ANKRD17: variants seen among roughly 807,000 people sequenced by gnomAD.
ANKRD17 encodes the protein ankyrin repeat domain-containing protein 17.
In ANKRD17, 19 loss-of-function variants were observed where a neutral mutation model predicts 229.7. The observed-to-expected ratio is 0.08, with a 90% CI of 0.06 to 0.12. The LOEUF is 0.12. ANKRD17 is among the 10% of genes least tolerant of loss of function. The probability of loss-of-function intolerance (pLI) is 1.00; values close to 1 mark genes in which losing one functional copy is unlikely to be tolerated. For synonymous variants in ANKRD17, 1,112 were observed against 1,146.1 expected (o/e 0.97, Z 0.60); for missense variants, 2,176 against 3,176.8 (o/e 0.68, Z 7.57).
At chr4:73,233,536 T>C (rs1003125981) in intron 1 of ANKRD17, among the ~76,000 whole-genome samples, 1 of 152,190 alleles carries the variant, frequency 6.6e-6, no homozygotes, top group Non-Finnish European at 1.5e-5. Context: ...CTAATAGAAC[T>C]TGAATTTCCT....
At chr4:73,094,316 G>T in intron 27 of ANKRD17, 88 bp from the exon 28 acceptor site, 1 of 1,209,386 alleles carries the variant, frequency 8.3e-7, no homozygotes, top group Non-Finnish European at 1.2e-6. Flanking sequence ...TTACTAAAAT[G>T]TCTTTCTATA....
intron 16 of ANKRD17, among the ~76,000 whole-genome samples, chr4:73,130,882 A>G (rs1004684931): frequency 3.3e-5 from 5 of 152,196 alleles, no homozygotes; most frequent in Non-Finnish European, 5.9e-5. Context: ...CCTTCAAGTC[A>G]GAATTATTGT....
chr4:73,248,571 G>C (rs1193318291), intron 1 of ANKRD17, among the ~76,000 whole-genome samples: 2 of 151,904 alleles, frequency 1.3e-5, no homozygotes, highest in African/African-American at 4.8e-5. Context: ...TTAGTTCAGA[G>C]AGTATACTAA....
chr4:73,091,636 G>T lies in ANKRD17; in HGVS notation c.5992C>A (p.Leu1998Ile). The change falls in exon 29 of 34, where the codon CTT (leucine) becomes ATT (isoleucine). Residue 1998 changes from leucine (L) to isoleucine (I), a missense_variant. This residue lies in a region of ANKRD17 where 424 missense variants were observed against 454.0 expected (regional missense o/e 0.93). Coordinates refer to ENST00000358602, the MANE Select transcript of ANKRD17 (RefSeq NM_032217.5). The stretch of plus-strand genomic sequence containing the variant: ...GATGTCTTCACAACTGTGACAAAAA[G>T]CTGCCTTCGGACAGAAGGTGAACTT... ...SPSSPSVRRQ[L>I]FVTVVKTSNA... 6.2e-7 allele frequency: 1 copy of T among 1,614,228 alleles called. No homozygotes were observed. Among genetic ancestry groups the T allele is most frequent in the Non-Finnish European group, 8.5e-7 (1 of 1,180,044 alleles).
chr4:73,078,270 G>A (rs1294523541), intron 31 of ANKRD17, among the ~76,000 whole-genome samples: 2 of 152,212 alleles, frequency 1.3e-5, no homozygotes, highest in African/African-American at 2.4e-5. Flanking sequence ...TCAGCTACTT[G>A]GGAGGATGAG....
At chr4:73,188,809 T>C (rs1005040185) in intron 1 of ANKRD17, among the ~76,000 whole-genome samples, 1 of 152,110 alleles carries the variant, frequency 6.6e-6, no homozygotes, top group Non-Finnish European at 1.5e-5. Context: ...AAAGAGGATA[T>C]AAGCCTTTGG....
intron 30 of ANKRD17, among the ~76,000 whole-genome samples, chr4:73,080,030 C>T (rs538287151): frequency 1.3e-3 from 192 of 152,188 alleles, no homozygotes; most frequent in African/African-American, 4.4e-3. Flanking sequence ...CACTTGAACC[C>T]GGGAGGCGGA....
rs1720988822 is a variant in ANKRD17, at chr4:73,076,249, A to G, written c.7794T>C (p.His2598=). The change falls in exon 34 of 34, where the codon CAT becomes CAC. Residue 2598 remains histidine, a synonymous_variant. Coordinates refer to ENST00000358602, the MANE Select transcript of ANKRD17 (RefSeq NM_032217.5). The stretch of plus-strand genomic sequence containing the variant: ...ATCCTCATCAGCCAAGCTGGTTCAT[A>G]TGCACACTGTTCATGTGAGGTGCCC... ...GPWAPHMNSV[H]MNQLG The G allele has an allele frequency of 2.5e-6, 4 of 1,611,770 alleles. No individual in the cohort carries two copies. Among genetic ancestry groups the G allele is most frequent in the Non-Finnish European group, 3.4e-6 (4 of 1,178,972 alleles).
intron 1 of ANKRD17, among the ~76,000 whole-genome samples, chr4:73,252,093 A>C (rs186585901): frequency 6.6e-6 from 1 of 152,376 alleles, no homozygotes; most frequent in East Asian, 1.9e-4. Context: ...GTGGCTAATA[A>C]AGAAATATTT....
intron 1 of ANKRD17, chr4:73,222,989 T>C (rs2149215338): frequency 6.5e-7 from 1 of 1,535,866 alleles, no homozygotes; most frequent in African/African-American, 1.4e-5. Flanking sequence ...GAATGTCTTC[T>C]AGAACATATG....
intron 1 of ANKRD17, among the ~76,000 whole-genome samples, chr4:73,229,641 A>G (rs1560764232): frequency 6.6e-6 from 1 of 150,484 alleles, no homozygotes; most frequent in Non-Finnish European, 1.5e-5. Flanking sequence ...TGCAGAGTCT[A>G]TATATATATA....
chr4:73,229,760 G>A (rs1742871903), intron 1 of ANKRD17, among the ~76,000 whole-genome samples: 1 of 151,900 alleles, frequency 6.6e-6, no homozygotes, highest in Admixed American at 6.6e-5. Flanking sequence ...AATATTTAAT[G>A]GGTTTTTTAA....
At chr4:73,250,381 A>C (rs1201385770) in intron 1 of ANKRD17, among the ~76,000 whole-genome samples, 2 of 152,008 alleles carry the variant, frequency 1.3e-5, no homozygotes, top group Non-Finnish European at 1.5e-5. Flanking sequence ...CGGGCGGATC[A>C]CTTGGAGCCG....
Position 73,118,795 on chromosome 4 carries a change from C to T in ANKRD17, c.4081G>A (p.Ala1361Thr). 6.2e-7 allele frequency: 1 copy of T among 1,613,754 alleles called. No individual in the cohort carries two copies. Among genetic ancestry groups the T allele is most frequent in the Non-Finnish European group, 8.5e-7 (1 of 1,179,914 alleles). The change falls in exon 22 of 34, where the codon GCA becomes ACA. Residue 1361 changes from alanine to threonine, a missense_variant. This residue lies in a region of ANKRD17 where 178 missense variants were observed against 421.7 expected (regional missense o/e 0.42). Transcript: ENST00000358602. The stretch of plus-strand genomic sequence containing the variant: ...ACCACATCGAGGTGTCCACCATTTG[C>T]TGCTAGCCACAATGGAGTGTTCCCC... ...KKGNTPLWLAANGGHLDVVQL... is the reference protein window; with the variant it reads ...KKGNTPLWLATNGGHLDVVQL...
chr4:73,122,470 T>C (rs1347329412), intron 18 of ANKRD17, among the ~76,000 whole-genome samples: 1 of 152,152 alleles, frequency 6.6e-6, no homozygotes, highest in Non-Finnish European at 1.5e-5. Context: ...TCCTGAAACC[T>C]AAAAATATTT....
At chr4:73,197,418 C>A (rs565101606) in intron 1 of ANKRD17, among the ~76,000 whole-genome samples, 2 of 152,162 alleles carry the variant, frequency 1.3e-5, no homozygotes, top group South Asian at 4.1e-4. Context: ...TCAATACTTA[C>A]GCAACTCTGT....
rs866951506 is a variant in ANKRD17 at position 73,184,549 on chromosome 4, A to G, written c.394-7016T>C. 6.7e-4 allele frequency among the ~76,000 whole-genome samples: 101 copies of G among 150,496 alleles called. No individual in the cohort carries two copies. The South Asian group carries it at 9.3e-3, about 14-fold the overall frequency. On this transcript the variant is annotated intron_variant, in intron 1 of 33. Transcript: ENST00000358602. ...CTCTCAAAAAAAAAAAAAAAAAAAAAAAAAGAAAAGAAAACTAGTATATTT... is the reference window on the plus strand; with the variant it reads ...CTCTCAAAAAAAAAAAAAAAAAAAAGAAAAGAAAAGAAAACTAGTATATTT...
chr4:73,142,909 A>C, intron 11 of ANKRD17, 142 bp from the exon 12 acceptor site: 1 of 870,554 alleles, frequency 1.1e-6, no homozygotes, highest in Non-Finnish European at 1.7e-6. Flanking sequence ...GATTATAAAC[A>C]CAAGGCCAAT....
intron 1 of ANKRD17, among the ~76,000 whole-genome samples, chr4:73,249,330 G>A (rs1003861241): frequency 2.0e-5 from 3 of 152,202 alleles, no homozygotes; most frequent in South Asian, 2.1e-4. Flanking sequence ...AATTAGGCAA[G>A]CTAATAGTAT....
Sources: allele counts gnomAD v4.1 joint callset (sites outside exome capture counted in the v4.1 genomes callset), GRCh38; gene constraint gnomAD v4.1.1; regional missense constraint gnomAD v4.1.1; transcripts MANE v1.5; gene names NCBI Gene and HGNC (gene_info 2026-07-23, HGNC 2026-07-21).